The following SLC13A4 variants were observed in gnomAD, a reference collection of about 807,000 sequenced individuals.
The protein encoded by SLC13A4 is solute carrier family 13 member 4, also known as Na(+)/sulfate cotransporter SUT-1.
SLC13A4 carries 28 observed loss-of-function variants against 72.7 expected under a neutral mutation model. The ratio of observed to expected loss-of-function variants is 0.39; its 90% confidence interval spans 0.29 to 0.53. SLC13A4 has a LOEUF of 0.53. Ranked by LOEUF, SLC13A4 falls within the 20% of genes least tolerant of loss-of-function variation. SLC13A4 has a pLI of 0.78. For synonymous variants in SLC13A4, 312 were observed against 325.5 expected (o/e 0.96, Z 0.45); for missense variants, 653 against 788.0 (o/e 0.83, Z 2.05).
chr7:135,713,939 G>A (rs1182409499), intron 2 of SLC13A4, among the ~76,000 whole-genome samples: 1 of 152,136 alleles, frequency 6.6e-6, no homozygotes, highest in South Asian at 2.1e-4. Flanking sequence ...CCTGGCTCCC[G>A]CTCAGTGCTA....
At chr7:135,708,284 C>G (rs73160733) in intron 2 of SLC13A4, 34 bp from the exon 3 acceptor site, 2 of 1,613,106 alleles carry the variant, frequency 1.2e-6, no homozygotes, top group East Asian at 4.5e-5. Context: ...GTCACCCTCC[C>G]GGACCAAAGA....
Position 135,685,661 on chromosome 7 carries a change from A to G in SLC13A4, c.1469T>C (p.Ile490Thr). ...GCTCAGGGACAACATCTGGTTCCCAATCCATGTAGAGAGGCCAGAGCTCTG... is the reference window on the plus strand; with the variant it reads ...GCTCAGGGACAACATCTGGTTCCCAGTCCATGTAGAGAGGCCAGAGCTCTG... Reference protein sequence around the residue: ...GSKSSGLSTWIGNQMLSLSSL... With the variant: ...GSKSSGLSTWTGNQMLSLSSL... Residue 490 changes from isoleucine to threonine, a missense_variant, in exon 14 of 16, where the codon ATT (isoleucine) becomes ACT (threonine). By Grantham distance (89) the Ile-to-Thr change is moderately conservative. Transcript: ENST00000682651. 6.2e-7 allele frequency: 1 copy of G among 1,614,194 alleles called. No homozygotes were observed. The highest frequency in any genetic ancestry group is 8.5e-7 in the Non-Finnish European group (1 of 1,180,004).
At chr7:135,719,218 C>T (rs1295130493) in intron 2 of SLC13A4, among the ~76,000 whole-genome samples, 1 of 152,216 alleles carries the variant, frequency 6.6e-6, no homozygotes, top group Non-Finnish European at 1.5e-5. Context: ...ACGGGTTTGG[C>T]CTTCCTCTCT....
At chr7:135,693,138 C>T (rs1478102183) in intron 10 of SLC13A4, 1 of 147,224 alleles carries the variant, frequency 6.8e-6, no homozygotes, top group Admixed American at 6.8e-5. Context: ...GTTGGTCATT[C>T]CCATCATCTA....
intron 13 of SLC13A4, among the ~76,000 whole-genome samples, chr7:135,689,530 A>G (rs1795726002): frequency 1.3e-5 from 2 of 152,244 alleles, no homozygotes; most frequent in African/African-American, 2.4e-5. Context: ...CCCATAGACT[A>G]TGTTTGAATA....
intron 12 of SLC13A4, 96 bp downstream of exon 12, chr7:135,691,439 CGGGAGGGGGGTGG>C: frequency 1.1e-6 from 1 of 885,004 alleles, no homozygotes; most frequent in Non-Finnish European, 1.6e-6. Context: ...GGGCGGGGGC[CGGGAGGGGGGTGG>C]GAATCTGAAG....
chr7:135,692,160 T>G, intron 11 of SLC13A4, 163 bp downstream of exon 11: 1 of 641,646 alleles, frequency 1.6e-6, no homozygotes, highest in Middle Eastern at 3.3e-4. Flanking sequence ...CTCCAAAGAG[T>G]GTTTTTCCTT....
At chr7:135,687,421 C>T (rs1795656593) in intron 13 of SLC13A4, among the ~76,000 whole-genome samples, 1 of 152,210 alleles carries the variant, frequency 6.6e-6, no homozygotes, top group African/African-American at 2.4e-5. Context: ...ACTTTTTCTC[C>T]TCTCTTCCAA....
Position 135,699,383 on chromosome 7 carries a change from A to AGAT in SLC13A4, c.877_879dup (p.Ile293dup). 6.2e-7 allele frequency: 1 copy of AGAT among 1,612,272 alleles called. No homozygotes were observed. Among genetic ancestry groups the AGAT allele is most frequent in the East Asian group, 2.2e-5 (1 of 44,846 alleles). On this transcript the variant is annotated inframe_insertion, in exon 8 of 16. Transcript: ENST00000682651. ...ACTTACTTGTTGAAGTGTTCCAGGA[A>AGAT]GATGAGGCTGGTGGAGGTGCCGATG...
Position 135,712,461 on chromosome 7 carries a change from T to TAAAAA in SLC13A4, c.229-4216_229-4212dup, listed in dbSNP as rs539587817. Among the ~76,000 whole-genome samples, 319 of 122,938 alleles carry TAAAAA rather than the reference T, an allele frequency of 2.6e-3. 5 individuals carry two copies. The highest frequency in any genetic ancestry group is 8.5e-3 in the African/African-American group (274 of 32,382). The allele number at this position is 122,938 out of a possible 152,430, so 80.7% of individuals were successfully genotyped here. On this transcript the variant is annotated intron_variant, in intron 2 of 15. Coordinates refer to ENST00000682651, the MANE Select transcript of SLC13A4 (RefSeq NM_001318192.2). ...CCTCTCTGGGCTTCATTTTCTCATC[T>TAAAAA]AAAAAAAAAAAAAAAAAAGGAAGGA...
intron 2 of SLC13A4, among the ~76,000 whole-genome samples, chr7:135,720,554 TAAAAA>T (rs33993859): frequency 8.0e-6 from 1 of 124,244 alleles, no homozygotes; most frequent in Non-Finnish European, 1.7e-5. Flanking sequence ...GCTTTTTCAT[TAAAAA>T]AAAAAAAAAA....
intron 15 of SLC13A4, chr7:135,683,485 C>A (rs75252044): frequency 9.1e-5 from 90 of 984,414 alleles, no homozygotes; most frequent in African/African-American, 1.1e-4. Flanking sequence ...CCTCTCCCCC[C>A]CCGCTCAGCC....
chr7:135,707,874 T>TG (rs1406051532), intron 3 of SLC13A4: 3 of 441,362 alleles, frequency 6.8e-6, no homozygotes, highest in Non-Finnish European at 8.0e-6. Flanking sequence ...CTGCTGCCCT[T>TG]GCAGCCTAGG....
Position 135,699,507 on chromosome 7 carries a change from C to T in SLC13A4, c.756G>A (p.Lys252=). Residue 252 remains lysine, a synonymous_variant, in exon 8 of 16, where the codon AAG becomes AAA. Transcript: ENST00000682651. The part of the protein sequence containing the change: ...QVLTPSPRKQ[K]LNRKYRSHHD... ...GGTGGGACCTGTACTTTCTGTTCAGCTTCTGCTTCCTGGGGCTGGGGGTCA... is the reference window on the plus strand; with the variant it reads ...GGTGGGACCTGTACTTTCTGTTCAGTTTCTGCTTCCTGGGGCTGGGGGTCA... 6.2e-7 allele frequency: 1 copy of T among 1,611,258 alleles called. No individual in the cohort carries two copies. Among genetic ancestry groups the T allele is most frequent in the Non-Finnish European group, 8.5e-7 (1 of 1,178,636 alleles).
chr7:135,690,258 A>C (rs550925742), intron 13 of SLC13A4, among the ~76,000 whole-genome samples: 1 of 151,842 alleles, frequency 6.6e-6, no homozygotes, highest in East Asian at 1.9e-4. Flanking sequence ...TGGAGGGAGA[A>C]ATAGTCTGAA....
rs1426440626 is a variant in SLC13A4 at position 135,721,435 on chromosome 7, G to A, written c.188C>T (p.Ala63Val). ...GACTCCGAAGAACGGGTAAAGGAAG[G>A]CCGGCACCAGGGCTGCAGCTCCCAG... ...VPLGAAALVP[A>V]FLYPFFGVLR... is the part of the protein sequence containing the mutation. The change falls in exon 2 of 16, where the codon GCC becomes GTC. Residue 63 changes from alanine to valine, a missense_variant. Physicochemically the swap from Ala to Val is moderately conservative, Grantham distance 64 (BLOSUM62 0). Transcript: ENST00000682651. 1.9e-6 allele frequency: 3 copies of A among 1,614,002 alleles called. No homozygotes were observed. The highest frequency in any genetic ancestry group is 2.5e-6 in the Non-Finnish European group (3 of 1,179,994).
intron 2 of SLC13A4, among the ~76,000 whole-genome samples, chr7:135,709,585 T>C (rs982322394): frequency 7.2e-5 from 11 of 152,214 alleles, no homozygotes; most frequent in Non-Finnish European, 1.5e-4. Flanking sequence ...TATAAACTCC[T>C]TTCTACTTTT....
chr7:135,706,964 G>A (rs535401102), intron 3 of SLC13A4, among the ~76,000 whole-genome samples: 1 of 152,348 alleles, frequency 6.6e-6, no homozygotes, highest in African/African-American at 2.4e-5. Context: ...TGTGCAATGT[G>A]TGCCTGTACA....
At chr7:135,681,763 C>T (rs1795507961) in intron 15 of SLC13A4, 63 bp from the exon 16 acceptor site, 1 of 1,572,444 alleles carries the variant, frequency 6.4e-7, no homozygotes, top group Non-Finnish European at 8.6e-7. Context: ...ATCCCCAAGT[C>T]CCCCTTCTGT....
Sources: gnomAD v4.1 joint callset for allele counts (sites outside exome capture counted in the v4.1 genomes callset) on GRCh38, gnomAD v4.1.1 for gene constraint, MANE v1.5 for transcripts, NCBI Gene and HGNC (gene_info 2026-07-23, HGNC 2026-07-21) for gene names.